The following INSC variants were observed in gnomAD, a reference collection of about 807,000 sequenced individuals.
INSC encodes INSC spindle orientation adaptor protein.
Under a neutral mutation model 58.6 loss-of-function variants are expected in INSC, and 67 were observed. That is an observed-to-expected ratio of 1.14 (90% confidence interval 0.94 to 1.40). INSC has a LOEUF of 1.40. Ranked by LOEUF, INSC falls within the 40% of genes most tolerant of loss-of-function variation. The probability of loss-of-function intolerance (pLI) is 0.00; values close to 1 mark genes in which losing one functional copy is unlikely to be tolerated. For synonymous variants in INSC, 262 were observed against 276.1 expected (o/e 0.95, Z 0.51); for missense variants, 714 against 692.0 (o/e 1.03, Z -0.36).
intron 7 of INSC, among the ~76,000 whole-genome samples, chr11:15,201,566 C>T (rs373884510): frequency 1.3e-5 from 2 of 152,170 alleles, no homozygotes; most frequent in African/African-American, 2.4e-5. Context: ...CTAATTCCCG[C>T]CACCCTGACC....
At chr11:15,259,084 T>A in the INSC span, among the ~76,000 whole-genome samples, 1 of 152,192 alleles carries the variant, frequency 6.6e-6, no homozygotes, top group Non-Finnish European at 1.5e-5. Flanking sequence ...TGTGTGGACA[T>A]CTTTCCAGAA....
chr11:15,247,613 C>T (rs1852602472), downstream of INSC, among the ~76,000 whole-genome samples: 1 of 151,686 alleles, frequency 6.6e-6, no homozygotes, highest in Non-Finnish European at 1.5e-5. Flanking sequence ...AGAGAAGAAA[C>T]AGAGGAAACT....
At chr11:15,225,203 G>A (rs184923579) in intron 8 of INSC, among the ~76,000 whole-genome samples, 2 of 152,196 alleles carry the variant, frequency 1.3e-5, no homozygotes, top group South Asian at 2.1e-4. Context: ...CTTTTGTTGC[G>A]CACCTCAGCG....
intron 2 of INSC, among the ~76,000 whole-genome samples, chr11:15,173,790 A>G (rs2133818257): frequency 6.6e-6 from 1 of 152,358 alleles, no homozygotes; most frequent in Middle Eastern, 3.4e-3. Context: ...TTTCATAATT[A>G]AACATAAGAT....
At chr11:15,134,008 C>T (rs1326875883) in intron 1 of INSC, among the ~76,000 whole-genome samples, 2 of 115,074 alleles carry the variant, frequency 1.7e-5, no homozygotes, top group African/African-American at 6.0e-5. Context: ...TGATATGCCT[C>T]TCTAAAAGAG....
rs560063428 is a variant in INSC, at chr11:15,206,384, ACAGCAGGGAGCCACCC to A, written c.819+5452_819+5467del. 1.6e-3 allele frequency among the ~76,000 whole-genome samples: 245 copies of A among 152,278 alleles called. 1 individual carries two copies. In the South Asian group the frequency reaches 0.017, roughly 11 times the overall value. ...CAAGGGCAGGGGCAGAGGGGACACC[ACAGCAGGGAGCCACCC>A]CAGCAGGGAGCCACCCAATGGGGCT... On this transcript the variant is annotated intron_variant, in intron 7 of 12. Transcript: ENST00000379556.
At chr11:15,153,717 G>C (rs916231948) in intron 2 of INSC, among the ~76,000 whole-genome samples, 4 of 152,132 alleles carry the variant, frequency 2.6e-5, no homozygotes, top group African/African-American at 9.7e-5. Flanking sequence ...TTATACTTTT[G>C]TACAGTGCTG....
intron 10 of INSC, among the ~76,000 whole-genome samples, chr11:15,236,924 C>T (rs1852154885): frequency 6.6e-6 from 1 of 152,276 alleles, no homozygotes; most frequent in South Asian, 2.1e-4. Flanking sequence ...TTTGCTGAGC[C>T]AGCTGAGGCC....
At chr11:15,233,939 C>G (rs1009278651) in intron 9 of INSC, among the ~76,000 whole-genome samples, 1 of 152,166 alleles carries the variant, frequency 6.6e-6, no homozygotes, top group Non-Finnish European at 1.5e-5. Flanking sequence ...AATGTGCACA[C>G]GATGCCTCTT....
intron 2 of INSC, among the ~76,000 whole-genome samples, chr11:15,150,867 G>C (rs190596838): frequency 1.1e-4 from 17 of 152,294 alleles, no homozygotes; most frequent in Admixed American, 9.8e-4. Flanking sequence ...GTAGACCTTG[G>C]AATCAGACTT....
At chr11:15,164,320 A>C (rs183862731) in intron 2 of INSC, among the ~76,000 whole-genome samples, 105 of 152,256 alleles carry the variant, frequency 6.9e-4, no homozygotes, top group Admixed American at 2.0e-3. Flanking sequence ...AACTTTATAG[A>C]ACTCCACCTT....
intron 2 of INSC, among the ~76,000 whole-genome samples, chr11:15,150,356 T>C (rs1420076899): frequency 6.6e-6 from 1 of 152,232 alleles, no homozygotes; most frequent in Non-Finnish European, 1.5e-5. Flanking sequence ...TGTTCCAAGC[T>C]GCCAAGGCCT....
intron 7 of INSC, among the ~76,000 whole-genome samples, chr11:15,217,229 C>A (rs1024101600): frequency 2.6e-5 from 4 of 152,070 alleles, no homozygotes; most frequent in African/African-American, 9.7e-5. Flanking sequence ...AGGAGAAGTG[C>A]AGAGCAAAGC....
At chr11:15,221,424 G>C (rs572778234) in intron 7 of INSC, 53 bp from the exon 8 acceptor site, 1 of 1,552,720 alleles carries the variant, frequency 6.4e-7, no homozygotes, top group East Asian at 2.3e-5. Flanking sequence ...TAATGTCATG[G>C]GCAGTGGTGT....
chr11:15,172,315 ACT>A (rs1327115201), intron 2 of INSC, among the ~76,000 whole-genome samples: 2 of 151,744 alleles, frequency 1.3e-5, no homozygotes, highest in East Asian at 1.9e-4. Context: ...ATCTCGGGGC[ACT>A]CTCTGTGTAG....
intron 2 of INSC, among the ~76,000 whole-genome samples, chr11:15,152,631 C>T (rs1848690933): frequency 6.6e-6 from 1 of 152,106 alleles, no homozygotes; most frequent in African/African-American, 2.4e-5. Flanking sequence ...CTGAGTGCTG[C>T]CTGATTCATG....
intron 2 of INSC, among the ~76,000 whole-genome samples, chr11:15,156,601 A>G (rs1424140442): frequency 6.6e-6 from 1 of 152,208 alleles, no homozygotes; most frequent in East Asian, 1.9e-4. Context: ...TGTAATAAGT[A>G]CCCAATCAAT....
intron 5 of INSC, among the ~76,000 whole-genome samples, chr11:15,179,631 A>T (rs1849692505): frequency 6.6e-6 from 1 of 152,194 alleles, no homozygotes; most frequent in African/African-American, 2.4e-5. Context: ...AACAACAGGA[A>T]GGTCCTCAAG....
intron 9 of INSC, among the ~76,000 whole-genome samples, chr11:15,229,980 TATATATATATATATATA>T (rs1851822460): frequency 4.1e-4 from 13 of 31,664 alleles, no homozygotes; most frequent in Admixed American, 1.5e-3. Context: ...ATATATATAT[TATATATATATATATATA>T]TATATATATA....
Sources: gnomAD v4.1 joint callset for allele counts (sites outside exome capture counted in the v4.1 genomes callset) on GRCh38, gnomAD v4.1.1 for gene constraint, MANE v1.5 for transcripts, NCBI Gene and HGNC (gene_info 2026-07-23, HGNC 2026-07-21) for gene names.